CARD14: variants seen among roughly 807,000 people sequenced by gnomAD.
CARD14 encodes caspase recruitment domain family member 14.
CARD14 carries 107 observed loss-of-function variants against 111.5 expected under a neutral mutation model. The observed-to-expected ratio is 0.96, with a 90% CI of 0.82 to 1.13. CARD14 has a LOEUF of 1.13. CARD14 is among the 50% of genes most tolerant of loss of function. The pLI is 0.00. For synonymous variants in CARD14, 617 were observed against 579.6 expected, an observed-to-expected ratio of 1.06 and a Z score of -0.93; for missense variants, 1,322 against 1,362.3, an observed-to-expected ratio of 0.97 and a Z score of 0.47.
intron 2 of CARD14, among the ~76,000 whole-genome samples, chr17:80,174,947 G>A (rs2039990419): frequency 6.6e-6 from 1 of 152,098 alleles, no homozygotes; most frequent in African/African-American, 2.4e-5. Context: ...TTTGGTTTCA[G>A]GGCTTGTCTG....
chr17:80,201,747 G>A lies in CARD14; in HGVS notation c.1855G>A (p.Asp619Asn), dbSNP rs748831841. 1 of 1,613,912 alleles carries A rather than the reference G, an allele frequency of 6.2e-7. No homozygotes were observed. Among genetic ancestry groups the A allele is most frequent in the Non-Finnish European group, 8.5e-7 (1 of 1,179,978 alleles). Reference sequence around the variant, plus strand: ...GACCTTCTCGACTTGCCCTCAGGTTGATTACGAAGCCTCAGAGCCCTTGTT... The same window carrying A: ...GACCTTCTCGACTTGCCCTCAGGTTAATTACGAAGCCTCAGAGCCCTTGTT... ...LRPGTQIVMV[D>N]YEASEPLFKA... Residue 619 changes from aspartate (D) to asparagine (N), a missense_variant, in exon 17 of 24, where the codon GAT (aspartate) becomes AAT (asparagine). By Grantham distance (23) the Asp-to-Asn change is conservative. Transcript: ENST00000648509. This position sits in a 1 kb window ranked among gnomAD's most constrained non-coding sequence, Gnocchi z 5.0.
At chr17:80,180,580 T>A (rs1437236764) in intron 4 of CARD14, among the ~76,000 whole-genome samples, 1 of 152,200 alleles carries the variant, frequency 6.6e-6, no homozygotes, top group Non-Finnish European at 1.5e-5. Flanking sequence ...ATGGGAACTT[T>A]TTTTTTTGTT....
At position 80,202,410 on chromosome 17, in the gene CARD14, A is replaced by C. The variant is rs535171797; in HGVS notation, c.2209A>C (p.Asn737His). Reference sequence around the variant, plus strand: ...TACTGCCGCGCACGGCACCATCCCCAACTACTCCAGGTGAGCAGCTGCCTC... The same window carrying C: ...TACTGCCGCGCACGGCACCATCCCCCACTACTCCAGGTGAGCAGCTGCCTC... ...KDTAAHGTIPNYSRAQQQLIA... is the reference protein window; with the variant it reads ...KDTAAHGTIPHYSRAQQQLIA... Residue 737 changes from asparagine (N) to histidine (H), a missense_variant, in exon 18 of 24, where the codon AAC becomes CAC. By Grantham distance (68) the Asn-to-His change is moderately conservative. Coordinates refer to ENST00000648509, the MANE Select transcript of CARD14 (RefSeq NM_001366385.1). 4.8e-5 allele frequency: 78 copies of C among 1,611,538 alleles called. No individual in the cohort carries two copies. The African/African-American group carries it at 9.1e-4, about 19-fold the overall frequency.
At chr17:80,205,779 G>C in intron 22 of CARD14, 127 bp downstream of exon 22, 2 of 999,200 alleles carry the variant, frequency 2.0e-6, no homozygotes, top group South Asian at 3.6e-5. Context: ...CCGACCTCTG[G>C]GTCCCAACAG....
chr17:80,202,137 T>G (rs1335595466), intron 17 of CARD14, 43 bp from the exon 18 acceptor site: 1 of 1,539,636 alleles, frequency 6.5e-7, no homozygotes, highest in Non-Finnish European at 9.0e-7. Flanking sequence ...TCGCAGAGGC[T>G]CGTATCTGTG....
intron 2 of CARD14, 70 bp downstream of exon 2, chr17:80,173,298 G>GCACA (rs761819467): frequency 0.033 from 4,680 of 141,334 alleles, 70 homozygotes; most frequent in South Asian, 0.042. Flanking sequence ...TCTCTCTCAT[G>GCACA]CACACACACA....
In CARD14 at chr17:80,198,484, C is replaced by A; in HGVS notation, c.1744C>A (p.Gln582Lys). ...GTTCCAGGGGGATGCATTGCTGGAG[C>A]AGATCAGCGTCATCGGCGGGAACCT... Reference protein sequence around the residue: ...LAFQGDALLEQISVIGGNLTG... With the variant: ...LAFQGDALLEKISVIGGNLTG... Residue 582 changes from glutamine (Q) to lysine (K), a missense_variant, in exon 16 of 24, where the codon CAG becomes AAG. Gln to Lys is a moderately conservative substitution (Grantham distance 53). Coordinates refer to ENST00000648509, the MANE Select transcript of CARD14 (RefSeq NM_001366385.1). The surrounding 1 kb of genome is among the most constrained non-coding windows in gnomAD (Gnocchi z 7.5). 6.2e-7 allele frequency: 1 copy of A among 1,613,508 alleles called. No individual in the cohort carries two copies. The highest frequency in any genetic ancestry group is 1.1e-5 in the South Asian group (1 of 91,076).
At chr17:80,184,608 C>T (rs1006845528) in intron 7 of CARD14, among the ~76,000 whole-genome samples, 3 of 152,190 alleles carry the variant, frequency 2.0e-5, no homozygotes, top group Admixed American at 6.5e-5. Flanking sequence ...ATGGGATAGT[C>T]GGCCTCTGTC....
intron 12 of CARD14, among the ~76,000 whole-genome samples, chr17:80,192,953 T>G (rs2040575162): frequency 6.6e-6 from 1 of 152,190 alleles, no homozygotes; most frequent in Admixed American, 6.5e-5. Flanking sequence ...TTTCAACATG[T>G]TGGCCAGGCT....
intron 20 of CARD14, 88 bp from the exon 21 acceptor site, chr17:80,204,947 C>A: frequency 1.7e-6 from 2 of 1,182,790 alleles, no homozygotes; most frequent in East Asian, 2.6e-5. Context: ...CTGCAGTGAG[C>A]AAAGCAGACC....
At chr17:80,194,634 G>A (rs891080051) in intron 12 of CARD14, among the ~76,000 whole-genome samples, 2 of 152,182 alleles carry the variant, frequency 1.3e-5, no homozygotes, top group African/African-American at 4.8e-5. Context: ...TGGCTGGGGA[G>A]GCCTCAGGAA....
At chr17:80,180,487 A>G (rs1567867804) in intron 4 of CARD14, among the ~76,000 whole-genome samples, 1 of 152,136 alleles carries the variant, frequency 6.6e-6, no homozygotes, top group African/African-American at 2.4e-5. Flanking sequence ...CATTTCCCTC[A>G]TGTGGAGTCC....
In CARD14 at chr17:80,208,140, AGGGCCTACAGCGGTT is replaced by A; in HGVS notation, c.2815_2829del (p.Leu939_Gly943del). 4 of 1,536,548 alleles carry A rather than the reference AGGGCCTACAGCGGTT, an allele frequency of 2.6e-6. No individual in the cohort carries two copies. In the East Asian group the frequency reaches 9.9e-5, roughly 38 times the overall value. ...CCCCCCAACTCTGGCCTGTGCAGGA[AGGGCCTACAGCGGTT>A]GGGCACCTCAGAGGAGCAGCTCCTG... is the stretch of plus-strand genomic sequence containing the variant. On this transcript the variant is annotated inframe_deletion, in exon 24 of 24. Transcript: ENST00000648509.
At chr17:80,186,960 G>A (rs1277124100) in intron 7 of CARD14, among the ~76,000 whole-genome samples, 9 of 152,204 alleles carry the variant, frequency 5.9e-5, no homozygotes, top group African/African-American at 2.2e-4. Flanking sequence ...ACACACACAT[G>A]TATGGACATA....
chr17:80,192,273 G>A, intron 11 of CARD14: 1 of 454,170 alleles, frequency 2.2e-6, no homozygotes, highest in South Asian at 3.6e-5. Flanking sequence ...TATTCTAAAA[G>A]AAATGAAATG....
At position 80,189,842 on chromosome 17, in the gene CARD14, G is replaced by A; in HGVS notation, c.933G>A (p.Arg311=). 2 of 1,592,558 alleles carry A rather than the reference G, an allele frequency of 1.3e-6. No individual in the cohort carries two copies. Among genetic ancestry groups the A allele is most frequent in the Non-Finnish European group, 1.7e-6 (2 of 1,172,392 alleles). The part of the protein sequence containing the change: ...LVERIHSLRE[R]AVAAERQREQ... ...AGCGCATCCACTCGCTGCGGGAGCGGGCCGTGGCTGCCGAGAGGCAGCGAG... is the reference window on the plus strand; with the variant it reads ...AGCGCATCCACTCGCTGCGGGAGCGAGCCGTGGCTGCCGAGAGGCAGCGAG... Residue 311 remains arginine, a synonymous_variant, in exon 9 of 24, where the codon CGG becomes CGA. Transcript: ENST00000648509. This position sits in a 1 kb window ranked among gnomAD's most constrained non-coding sequence, Gnocchi z 4.7.
intron 12 of CARD14, among the ~76,000 whole-genome samples, chr17:80,193,349 C>T (rs866827546): frequency 7.3e-6 from 1 of 136,646 alleles, no homozygotes. Context: ...TTCCAGGGGA[C>T]CCGATTCGAC....
chr17:80,190,193 G>A (rs2040476649), intron 9 of CARD14, among the ~76,000 whole-genome samples: 1 of 152,104 alleles, frequency 6.6e-6, no homozygotes, highest in South Asian at 2.1e-4. Flanking sequence ...GGACAGGGAG[G>A]GAAAATTGTT....
rs928827354 is a variant in CARD14, at chr17:80,170,070, G to C, written c.-690+14G>C. The C allele has an allele frequency of 6.6e-6, 1 of 152,234 alleles. No homozygotes were observed. Among genetic ancestry groups the C allele is most frequent in the African/African-American group, 2.4e-5 (1 of 41,414 alleles). The allele number at this position is 152,234 out of a possible 1,614,324, so 9.4% of individuals were successfully genotyped here. A position where few individuals can be genotyped will look rare whatever the true frequency, so the allele number is the denominator to read the frequency against. On this transcript the variant is annotated intron_variant, in intron 1 of 23. Transcript: ENST00000648509. ...GGGAGGGGGAAGGTAAGTGCGCGCAGTCCATCCGGCGAAGAGCAGGTCAGC... is the reference window on the plus strand; with the variant it reads ...GGGAGGGGGAAGGTAAGTGCGCGCACTCCATCCGGCGAAGAGCAGGTCAGC...
Sources: gnomAD v4.1 joint callset for allele counts (sites outside exome capture counted in the v4.1 genomes callset) on GRCh38, gnomAD v4.1.1 for gene constraint, Gnocchi (gnomAD v3.1) non-coding constraint, MANE v1.5 for transcripts, NCBI Gene and HGNC (gene_info 2026-07-23, HGNC 2026-07-21) for gene names.